Variants in PLEC observed in about 807,000 individuals in gnomAD.
PLEC encodes the protein plectin, also known as hemidesmosomal protein 1.
A neutral mutation model predicts 392.8 loss-of-function variants in PLEC; 216 were observed. The ratio of observed to expected loss-of-function variants is 0.55; its 90% CI spans 0.49 to 0.62. PLEC has a LOEUF of 0.62. PLEC is among the 20% of genes least tolerant of loss of function. PLEC has a pLI of 0.00. For missense variants in PLEC, 6,863 were observed against 6,563.4 expected (o/e 1.05, Z -1.58); for synonymous variants, 3,621 against 2,980.6 (o/e 1.21, Z -7.00).
Position 143,920,583 on chromosome 8 carries a change from C to T in PLEC, c.9238G>A (p.Glu3080Lys), listed in dbSNP as rs369063949. ...PATSARLTVD[E>K]AVRAGLVGPE... ...CCCACCAGGCCAGCACGCACTGCCT[C>T]GTCCACGGTCAGCCGGGCGCTGGTG... The change falls in exon 32 of 32, where the codon GAG (glutamate) becomes AAG (lysine). Residue 3080 changes from glutamate (E) to lysine (K), a missense_variant. Physicochemically the swap from Glu to Lys is moderately conservative, Grantham distance 56. Transcript: ENST00000345136. 2.0e-5 allele frequency: 32 copies of T among 1,610,484 alleles called. No individual in the cohort carries two copies. The highest frequency in any genetic ancestry group is 2.5e-5 in the Non-Finnish European group (29 of 1,179,870).
At chr8:143,946,124 G>A (rs1412721042) in intron 1 of PLEC, among the ~76,000 whole-genome samples, 1 of 152,236 alleles carries the variant, frequency 6.6e-6, no homozygotes, top group Non-Finnish European at 1.5e-5. Flanking sequence ...GCCCCAGGCT[G>A]GCAGCGGGCA....
intron 6 of PLEC, among the ~76,000 whole-genome samples, 169 bp downstream of exon 6, chr8:143,935,679 G>A (rs1554722569): frequency 6.6e-6 from 1 of 152,170 alleles, no homozygotes; most frequent in Admixed American, 6.5e-5. Context: ...GCTTCTGAAG[G>A]ACACCAGGGT....
chr8:143,924,567 T>A lies in PLEC; in HGVS notation c.5362A>T (p.Arg1788Trp). Reference sequence around the variant, plus strand: ...AACCGGCCGGCCTCGGCCTCCAGCCTCTGCTTGGACTTCTCGCTGGTGGAG... The same window carrying A: ...AACCGGCCGGCCTCGGCCTCCAGCCACTGCTTGGACTTCTCGCTGGTGGAG... ...SRSTSEKSKQ[R>W]LEAEAGRFRE... Residue 1788 changes from arginine (R) to tryptophan (W), a missense_variant, in exon 31 of 32, where the codon AGG becomes TGG. Physicochemically the swap from Arg to Trp is moderately radical, Grantham distance 101. Transcript: ENST00000345136. 6.5e-7 allele frequency: 1 copy of A among 1,548,998 alleles called. No individual in the cohort carries two copies. Among genetic ancestry groups the A allele is most frequent in the Non-Finnish European group, 8.7e-7 (1 of 1,154,664 alleles).
Position 143,918,259 on chromosome 8 carries a change from G to A in PLEC, c.11562C>T (p.Arg3854=), listed in dbSNP as rs781931763. Residue 3854 remains arginine (R), a synonymous_variant, in exon 32 of 32, where the codon CGC becomes CGT. Coordinates refer to ENST00000345136, the MANE Select transcript of PLEC (RefSeq NM_201384.3). ...RSYVDPSTDE[R]LSYTQLLRRC... ...GCCTGAGCAGCTGCGTGTAGCTGAGGCGCTCGTCGGTGGACGGGTCCACGT... is the reference window on the plus strand; with the variant it reads ...GCCTGAGCAGCTGCGTGTAGCTGAGACGCTCGTCGGTGGACGGGTCCACGT... 8.8e-6 allele frequency: 14 copies of A among 1,592,010 alleles called. No homozygotes were observed. Among genetic ancestry groups the A allele is most frequent in the Middle Eastern group, 1.8e-4 (1 of 5,552 alleles).
At position 143,923,018 on chromosome 8, in the gene PLEC, T is replaced by A; in HGVS notation, c.6911A>T (p.Gln2304Leu). ...GAGCATCTTCTCTGCCAAGGCCCGC[T>A]GCTGTGCCAGGTCCTCCTCTGCCAG... ...RQLAEEDLAQQRALAEKMLKE... is the reference protein window; with the variant it reads ...RQLAEEDLAQLRALAEKMLKE... Residue 2304 changes from glutamine to leucine, a missense_variant, in exon 31 of 32, where the codon CAG becomes CTG. Coordinates refer to ENST00000345136, the MANE Select transcript of PLEC (RefSeq NM_201384.3). 6.2e-7 allele frequency: 1 copy of A among 1,612,010 alleles called. No homozygotes were observed. The highest frequency in any genetic ancestry group is 8.5e-7 in the Non-Finnish European group (1 of 1,179,732).
At chr8:143,966,517 G>A (rs1270158346) in intron 1 of PLEC, among the ~76,000 whole-genome samples, 1 of 152,210 alleles carries the variant, frequency 6.6e-6, no homozygotes, top group Non-Finnish European at 1.5e-5. Flanking sequence ...CACCACGGGG[G>A]ACTCCTCAGC....
At chr8:143,933,720 AG>A (rs1402169690) in intron 12 of PLEC, among the ~76,000 whole-genome samples, 7 of 152,226 alleles carry the variant, frequency 4.6e-5, no homozygotes, top group Non-Finnish European at 5.9e-5. Flanking sequence ...CCTAACAGTA[AG>A]CCGCTGTCGG....
Position 143,937,191 on chromosome 8 carries a change from C to T in PLEC, c.316G>A (p.Ala106Thr), listed in dbSNP as rs781787425. The change falls in exon 4 of 32, where the codon GCC (alanine) becomes ACC (threonine). Residue 106 changes from alanine to threonine, a missense_variant. Ala to Thr is a moderately conservative substitution (Grantham distance 58, BLOSUM62 0). Transcript: ENST00000345136. ...TGGCGGTGCCGGAGGTAGTCCAGGG[C>T]AATCTGGACATTCTGCAGCTTGTGG... ...RFHKLQNVQI[A>T]LDYLRHRQVK... The T allele has an allele frequency of 6.2e-7, 1 of 1,612,690 alleles. No homozygotes were observed. The highest frequency in any genetic ancestry group is 1.7e-5 in the Admixed American group (1 of 60,014).
At position 143,923,782 on chromosome 8, in the gene PLEC, C is replaced by A. The variant is rs374045717; in HGVS notation, c.6147G>T (p.Ala2049=). The A allele has an allele frequency of 6.4e-7, 1 of 1,573,026 alleles. No homozygotes were observed. The highest frequency in any genetic ancestry group is 8.6e-7 in the Non-Finnish European group (1 of 1,167,512). The change falls in exon 31 of 32, where the codon GCG becomes GCT. Residue 2049 remains alanine, a synonymous_variant. Coordinates refer to ENST00000345136, the MANE Select transcript of PLEC (RefSeq NM_201384.3). Reference sequence around the variant, plus strand: ...CCGCGAAGGCGTGTGCCTTCTCTTCCGCCTGCAGCCGCTTCTGGGCGGCCT... The same window carrying A: ...CCGCGAAGGCGTGTGCCTTCTCTTCAGCCTGCAGCCGCTTCTGGGCGGCCT... The part of the protein sequence containing the change: ...AQEAAQKRLQ[A]EEKAHAFAVQ...
upstream of PLEC, among the ~76,000 whole-genome samples, chr8:143,951,426 G>GGA (rs1211020493): frequency 2.0e-5 from 3 of 152,154 alleles, no homozygotes; most frequent in African/African-American, 7.2e-5. Context: ...CAGCACATGA[G>GGA]GAGGGCTGCA....
At position 143,932,695 on chromosome 8, in the gene PLEC, G is replaced by A; in HGVS notation, c.1755C>T (p.Ala585=). 6.2e-7 allele frequency: 1 copy of A among 1,607,966 alleles called. No individual in the cohort carries two copies. Among genetic ancestry groups the A allele is most frequent in the South Asian group, 1.1e-5 (1 of 90,490 alleles). ...GGCAGTCACGGTAGGCACCCCGGGT[G>A]GCGGGGGAGAGCTGGCCCTGCAACA... is the stretch of plus-strand genomic sequence containing the variant. The part of the protein sequence containing the change: ...ARSDEGQLSP[A]TRGAYRDCLG... The change falls in exon 15 of 32, where the codon GCC becomes GCT. Residue 585 remains alanine (A), a synonymous_variant. Coordinates refer to ENST00000345136, the MANE Select transcript of PLEC (RefSeq NM_201384.3).
chr8:143,972,083 A>G (rs929364081), intron 1 of PLEC, among the ~76,000 whole-genome samples: 3 of 152,230 alleles, frequency 2.0e-5, no homozygotes, highest in African/African-American at 7.2e-5. Flanking sequence ...ACCTGACCAG[A>G]TGAAGAACTC....
chr8:143,931,909 A>G, intron 18 of PLEC, 28 bp downstream of exon 18: 1 of 1,578,486 alleles, frequency 6.3e-7, no homozygotes. Flanking sequence ...CCGCTGAGCC[A>G]CAGTGCGGAG....
Position 143,925,170 on chromosome 8 carries a change from C to T in PLEC, c.4759G>A (p.Glu1587Lys), listed in dbSNP as rs868928596. ...GAGCGCTCCAGCTGTGCCGTCTTCTCGGCGAAGGAGGCGCGTTTGCTCTGC... is the reference window on the plus strand; with the variant it reads ...GAGCGCTCCAGCTGTGCCGTCTTCTTGGCGAAGGAGGCGCGTTTGCTCTGC... ...ELQSKRASFA[E>K]KTAQLERSLQ... The change falls in exon 31 of 32, where the codon GAG becomes AAG. Residue 1587 changes from glutamate to lysine, a missense_variant. By Grantham distance (56) the Glu-to-Lys change is moderately conservative. Transcript: ENST00000345136. 17 of 1,563,338 alleles carry T rather than the reference C, an allele frequency of 1.1e-5. No homozygotes were observed. Among genetic ancestry groups the T allele is most frequent in the African/African-American group, 1.4e-5 (1 of 74,008 alleles).
chr8:143,918,284 T>C lies in PLEC; in HGVS notation c.11537A>G (p.Tyr3846Cys). ...QLSEPSEVRS[Y>C]VDPSTDERLS... ...GCGCTCGTCGGTGGACGGGTCCACG[T>C]AGCTGCGCACCTCGCTGGGCTCTGA... Residue 3846 changes from tyrosine (Y) to cysteine (C), a missense_variant, in exon 32 of 32, where the codon TAC (tyrosine) becomes TGC (cysteine). By Grantham distance (194) the Tyr-to-Cys change is radical. Transcript: ENST00000345136. 4 of 1,593,242 alleles carry C rather than the reference T, an allele frequency of 2.5e-6. No individual in the cohort carries two copies. The highest frequency in any genetic ancestry group is 1.1e-5 in the South Asian group (1 of 90,308).
chr8:143,934,511 G>C (rs1828425595), intron 10 of PLEC, 66 bp from the exon 11 acceptor site: 8 of 1,603,684 alleles, frequency 5.0e-6, no homozygotes, highest in Non-Finnish European at 6.0e-6. Context: ...TGGGCCTTCA[G>C]ACCCCAGCCC....
chr8:143,926,713 G>A, intron 30 of PLEC, 71 bp downstream of exon 30: 1 of 1,288,012 alleles, frequency 7.8e-7, no homozygotes, highest in Non-Finnish European at 1.1e-6. Context: ...GGCAGCTCCT[G>A]TGGCTGTGTG....
chr8:143,968,633 A>G (rs1833249244), intron 1 of PLEC, among the ~76,000 whole-genome samples: 1 of 152,190 alleles, frequency 6.6e-6, no homozygotes, highest in Admixed American at 6.5e-5. Flanking sequence ...GGCATCTAGA[A>G]TATATAAAGA....
At chr8:143,950,053 C>T (rs1831965197) in intron 1 of PLEC, 14 of 1,229,864 alleles carry the variant, frequency 1.1e-5, no homozygotes, top group Non-Finnish European at 1.4e-5. Context: ...GGGGGGCCAC[C>T]TGCTGGTGTG....
Sources: allele counts gnomAD v4.1 joint callset (sites outside exome capture counted in the v4.1 genomes callset), GRCh38; gene constraint gnomAD v4.1.1; transcripts MANE v1.5; gene names NCBI Gene and HGNC (gene_info 2026-07-23, HGNC 2026-07-21).